GRIK2: variants seen among roughly 807,000 people sequenced by gnomAD.
GRIK2 encodes glutamate receptor ionotropic, kainate 2.
GRIK2 carries 32 observed loss-of-function variants against 100.3 expected under a neutral mutation model. The ratio of observed to expected loss-of-function variants is 0.32; its 90% CI spans 0.24 to 0.43. The LOEUF (loss-of-function observed/expected upper bound fraction) is 0.43, where lower values mean the gene tolerates loss of function less well. GRIK2 is among the 20% of genes least tolerant of loss of function. GRIK2 has a pLI of 1.00. For missense variants in GRIK2, 843 were observed against 1,114.9 expected (o/e 0.76, Z 3.47); for synonymous variants, 417 against 389.4 (o/e 1.07, Z -0.83).
intron 2 of GRIK2, among the ~76,000 whole-genome samples, chr6:101,513,686 A>G (rs1001466254): frequency 5.3e-5 from 8 of 152,156 alleles, no homozygotes; most frequent in Non-Finnish European, 8.8e-5. Flanking sequence ...TGTGATTTGT[A>G]GGCCATGACT....
chr6:101,799,275 CATT>C (rs923567254), intron 7 of GRIK2, among the ~76,000 whole-genome samples: 42 of 124,018 alleles, frequency 3.4e-4, no homozygotes, highest in Non-Finnish European at 1.9e-4. Flanking sequence ...GCAATGTACT[CATT>C]GTGTGTGTGT....
chr6:101,541,191 C>G (rs963784483), intron 2 of GRIK2, among the ~76,000 whole-genome samples: 4 of 151,762 alleles, frequency 2.6e-5, no homozygotes, highest in African/African-American at 7.3e-5. Context: ...CTTCTGTGGC[C>G]AAAGCAGTGA....
intron 7 of GRIK2, among the ~76,000 whole-genome samples, chr6:101,760,680 T>TATGTA (rs1777564874): frequency 2.2e-5 from 2 of 89,516 alleles, no homozygotes; most frequent in African/African-American, 9.7e-5. Context: ...AATTATATAT[T>TATGTA]TAATTATATA....
At chr6:102,019,309 C>A (rs1769301797) in intron 14 of GRIK2, among the ~76,000 whole-genome samples, 1 of 152,010 alleles carries the variant, frequency 6.6e-6, no homozygotes, top group Admixed American at 6.6e-5. Flanking sequence ...ACATCTGCAG[C>A]CTTTTTAGAA....
intron 1 of GRIK2, among the ~76,000 whole-genome samples, chr6:101,394,672 CTTAA>C (rs1161846789): frequency 4.6e-5 from 7 of 152,128 alleles, no homozygotes; most frequent in African/African-American, 4.8e-5. Flanking sequence ...TCATTTGAGT[CTTAA>C]TTAGTCAGTT....
intron 11 of GRIK2, among the ~76,000 whole-genome samples, chr6:101,873,996 G>A (rs1176646901): frequency 1.3e-5 from 2 of 151,828 alleles, no homozygotes; most frequent in African/African-American, 4.8e-5. Context: ...CTGGATATTA[G>A]CCCTTTGTCA....
In GRIK2 at chr6:102,057,758, C is replaced by CT. The variant is rs1771535214; in HGVS notation, c.2562+2181dup. Among the ~76,000 whole-genome samples, 3 of 151,800 alleles carry CT rather than the reference C, an allele frequency of 2.0e-5. No individual in the cohort carries two copies. The South Asian group carries it at 6.2e-4, about 31-fold the overall frequency. ...TCTTTTGCTCCTCTCCAATTTGCACCTTTACTACAGCCACACTACATTTTA... is the reference window on the plus strand; with the variant it reads ...TCTTTTGCTCCTCTCCAATTTGCACCTTTTACTACAGCCACACTACATTTTA... On this transcript the variant is annotated intron_variant, in intron 16 of 16. Coordinates refer to ENST00000369134, the MANE Select transcript of GRIK2 (RefSeq NM_021956.5).
In GRIK2 at chr6:101,717,699, A is replaced by G. The variant is rs563584303; in HGVS notation, c.951+31346A>G. Among the ~76,000 whole-genome samples the G allele has an allele frequency of 1.1e-4, 17 of 151,956 alleles. No individual in the cohort carries two copies. In the South Asian group the frequency reaches 3.5e-3, roughly 31 times the overall value. On this transcript the variant is annotated intron_variant, in intron 7 of 16. Transcript: ENST00000369134. ...AGTGAATAGTAATTCGGTACTGAAT[A>G]TGTACTGAATTGAACATGTAACTAC...
chr6:101,890,005 C>T (rs997480694), intron 12 of GRIK2, 142 bp downstream of exon 12: 1 of 624,800 alleles, frequency 1.6e-6, no homozygotes, highest in Non-Finnish European at 2.8e-6. Context: ...TTTTAAGAAT[C>T]ACATTCATTT....
At chr6:101,798,198 C>G (rs1430058998) in intron 7 of GRIK2, among the ~76,000 whole-genome samples, 1 of 151,978 alleles carries the variant, frequency 6.6e-6, no homozygotes, top group Non-Finnish European at 1.5e-5. Flanking sequence ...CAAAATTACC[C>G]TTTCTGTTGA....
intron 2 of GRIK2, among the ~76,000 whole-genome samples, chr6:101,482,962 T>C (rs2128262093): frequency 6.6e-6 from 1 of 152,354 alleles, no homozygotes; most frequent in African/African-American, 2.4e-5. Flanking sequence ...ATTTTTTATT[T>C]GGTAGTATTA....
chr6:101,883,314 AATAATAAT>A (rs1310266051), intron 11 of GRIK2, among the ~76,000 whole-genome samples: 2 of 148,964 alleles, frequency 1.3e-5, no homozygotes, highest in Admixed American at 6.7e-5. Context: ...TAATAATAAT[AATAATAAT>A]ATAATAAAGG....
chr6:101,863,639 T>A (rs1448076630), intron 11 of GRIK2, among the ~76,000 whole-genome samples: 6 of 152,194 alleles, frequency 3.9e-5, no homozygotes, highest in Non-Finnish European at 7.4e-5. Context: ...ACTGTCATAA[T>A]GCTGATAAAA....
intron 7 of GRIK2, among the ~76,000 whole-genome samples, chr6:101,794,174 A>G (rs993772888): frequency 1.9e-4 from 29 of 152,250 alleles, no homozygotes; most frequent in East Asian, 5.8e-4. Flanking sequence ...GAGTGAGGCA[A>G]TGCCTCGCCC....
intron 2 of GRIK2, among the ~76,000 whole-genome samples, chr6:101,601,874 G>T (rs1250738184): frequency 6.6e-6 from 1 of 151,374 alleles, no homozygotes. Context: ...TCCTTTCAAG[G>T]GACCAAATTT....
chr6:101,451,995 T>G (rs1244789428), intron 2 of GRIK2, among the ~76,000 whole-genome samples: 1 of 151,826 alleles, frequency 6.6e-6, no homozygotes, highest in Non-Finnish European at 1.5e-5. Context: ...TTCTTTTCAT[T>G]ATGGCTTTAA....
chr6:101,844,733 C>T (rs1379410976), intron 10 of GRIK2, among the ~76,000 whole-genome samples: 5 of 152,142 alleles, frequency 3.3e-5, no homozygotes, highest in Admixed American at 6.6e-5. Flanking sequence ...TTTGAGGACA[C>T]ATGACATGTC....
intron 12 of GRIK2, among the ~76,000 whole-genome samples, chr6:101,898,268 GAAAAA>G: frequency 6.6e-6 from 1 of 151,694 alleles, no homozygotes; most frequent in South Asian, 2.1e-4. Context: ...TGACACTAAA[GAAAAA>G]ATAAATTTAG....
chr6:102,019,742 C>T (rs1053662834), intron 14 of GRIK2, among the ~76,000 whole-genome samples: 1 of 151,974 alleles, frequency 6.6e-6, no homozygotes, highest in Non-Finnish European at 1.5e-5. Context: ...AAGAGCATTG[C>T]TCTCTTCTAA....
Sources: gnomAD v4.1 joint callset for allele counts (sites outside exome capture counted in the v4.1 genomes callset) on GRCh38, gnomAD v4.1.1 for gene constraint, MANE v1.5 for transcripts, NCBI Gene and HGNC (gene_info 2026-07-23, HGNC 2026-07-21) for gene names.